Variants in PCDHA9 observed in about 807,000 individuals in gnomAD.
PCDHA9 encodes protocadherin alpha-9.
In PCDHA9, 62 loss-of-function variants were observed where a neutral mutation model predicts 62.0. That is an observed-to-expected ratio of 1.00 (90% confidence interval 0.81 to 1.23). PCDHA9 has a LOEUF of 1.23. Among genes scored for constraint, PCDHA9 ranks in the 50% most tolerant of loss-of-function variants. The probability of loss-of-function intolerance (pLI) is 0.00; values close to 1 mark genes in which losing one functional copy is unlikely to be tolerated. For synonymous variants in PCDHA9, 557 were observed against 567.6 expected (o/e 0.98, Z 0.27); for missense variants, 1,205 against 1,249.8 (o/e 0.96, Z 0.54).
At chr5:140,893,879 G>A (rs747246517) in intron 1 of PCDHA9, among the ~76,000 whole-genome samples, 26 of 152,060 alleles carry the variant, frequency 1.7e-4, no homozygotes, top group Admixed American at 4.6e-4. Flanking sequence ...GATCCAAAGT[G>A]GCCAGAAAGT....
intron 3 of PCDHA9, among the ~76,000 whole-genome samples, chr5:140,995,391 G>A (rs2097681152): frequency 1.3e-5 from 2 of 152,170 alleles, no homozygotes; most frequent in African/African-American, 2.4e-5. Context: ...AGGATAAAGC[G>A]GGATGGCTCG....
chr5:140,857,341 G>T (rs782659858), intron 1 of PCDHA9: 1 of 1,598,438 alleles, frequency 6.3e-7, no homozygotes, highest in South Asian at 1.1e-5. Flanking sequence ...ACGGGGGCTC[G>T]CCTCCGCTGT....
rs558900138 is a variant in PCDHA9, at chr5:140,898,510, C to T, written c.2394+47621C>T. On this transcript the variant is annotated intron_variant, in intron 1 of 3. Coordinates refer to ENST00000532602, the MANE Select transcript of PCDHA9 (RefSeq NM_031857.2). ...AGATCAGATAGTTGTAGATATGCGG[C>T]GTTATTTCTGAGGGCTCTGTTCTGT... Among the ~76,000 whole-genome samples, 9 of 152,196 alleles carry T rather than the reference C, an allele frequency of 5.9e-5. No homozygotes were observed. In the South Asian group the frequency reaches 6.2e-4, roughly 11 times the overall value.
chr5:140,869,687 T>C, intron 1 of PCDHA9: 1 of 1,613,474 alleles, frequency 6.2e-7, no homozygotes, highest in Non-Finnish European at 8.5e-7. Context: ...CTGTCACTTA[T>C]TTTAAAGAAG....
intron 1 of PCDHA9, chr5:140,871,620 T>C: frequency 7.1e-7 from 1 of 1,405,980 alleles, no homozygotes; most frequent in Non-Finnish European, 9.4e-7. Context: ...TTGTTTTAGA[T>C]AACAATGTCT....
In PCDHA9 at chr5:140,849,651, A is replaced by T. The variant is rs2041019666; in HGVS notation, c.1156A>T (p.Thr386Ser). The T allele has an allele frequency of 6.3e-7, 1 of 1,598,758 alleles. No homozygotes were observed. Among genetic ancestry groups the T allele is most frequent in the Non-Finnish European group, 8.6e-7 (1 of 1,168,002 alleles). Residue 386 changes from threonine to serine, a missense_variant, in exon 1 of 4, where the codon ACC becomes TCC. By Grantham distance (58) the Thr-to-Ser change is moderately conservative. This residue lies in a region of PCDHA9 where 887 missense variants were observed against 809.5 expected (regional missense o/e 1.10). Transcript: ENST00000532602. ...AGACGCAGATGCCAACGGGCAGGTT[A>T]CCTGCTCCCTGACGCCCCACGTCCC... is the stretch of plus-strand genomic sequence containing the variant. ...DLDADANGQV[T>S]CSLTPHVPFK... is the part of the protein sequence containing the mutation.
rs141258804 is a variant in PCDHA9, at chr5:140,857,118, C to T, written c.2394+6229C>T. ...GTGATTGTCACTTCTCTGTCTCTCC[C>T]AGTGAAAGAAGATGCTCAAGTGGGC... On this transcript the variant is annotated intron_variant, in intron 1 of 3. Transcript: ENST00000532602. 2.7e-5 allele frequency: 43 copies of T among 1,597,878 alleles called. 6 individuals are homozygous for T. Among genetic ancestry groups the T allele is most frequent in the Non-Finnish European group, 3.3e-5 (38 of 1,167,604 alleles).
At chr5:140,900,290 G>GT (rs1292990700) in intron 1 of PCDHA9, among the ~76,000 whole-genome samples, 2 of 151,548 alleles carry the variant, frequency 1.3e-5, no homozygotes, top group Non-Finnish European at 2.9e-5. Context: ...TTTCTTTTCT[G>GT]TTTTTTTAGA....
At position 140,848,691 on chromosome 5, in the gene PCDHA9, T is replaced by C; in HGVS notation, c.196T>C (p.Leu66=). The C allele has an allele frequency of 6.3e-7, 1 of 1,592,078 alleles. No homozygotes were observed. Among genetic ancestry groups the C allele is most frequent in the South Asian group, 1.1e-5 (1 of 90,088 alleles). The change falls in exon 1 of 4, where the codon TTG becomes CTG. Residue 66 remains leucine, a synonymous_variant. Coordinates refer to ENST00000532602, the MANE Select transcript of PCDHA9 (RefSeq NM_031857.2). ...LAELVPRLFQ[L]DSKGRGDLLE... Reference sequence around the variant, plus strand: ...GGAGCTGGTGCCGCGCCTGTTCCAGTTGGATTCCAAAGGCCGCGGGGACCT... The same window carrying C: ...GGAGCTGGTGCCGCGCCTGTTCCAGCTGGATTCCAAAGGCCGCGGGGACCT...
chr5:140,907,733 A>C (rs2073566986), intron 1 of PCDHA9, among the ~76,000 whole-genome samples: 1 of 152,162 alleles, frequency 6.6e-6, no homozygotes, highest in Non-Finnish European at 1.5e-5. Context: ...CATCCCTGCC[A>C]CCATGGCCAC....
chr5:140,952,378 A>G (rs1282372403), intron 1 of PCDHA9, among the ~76,000 whole-genome samples: 1 of 151,376 alleles, frequency 6.6e-6, no homozygotes, highest in Non-Finnish European at 1.5e-5. Flanking sequence ...TTCCTCTGCC[A>G]GGTACCCTAA....
chr5:140,963,977 C>A (rs1311264244), intron 1 of PCDHA9, among the ~76,000 whole-genome samples: 1 of 152,164 alleles, frequency 6.6e-6, no homozygotes, highest in Non-Finnish European at 1.5e-5. Flanking sequence ...ACTCCAAAGT[C>A]TATATTCCTA....
At chr5:140,967,712 G>A in intron 1 of PCDHA9, 2 of 1,614,196 alleles carry the variant, frequency 1.2e-6, no homozygotes, top group Non-Finnish European at 1.7e-6. Flanking sequence ...CAGTACCGGG[G>A]AAGTGCGAGT....
chr5:140,926,823 G>A (rs1454618329), intron 1 of PCDHA9: 2 of 1,496,880 alleles, frequency 1.3e-6, no homozygotes, highest in Non-Finnish European at 1.8e-6. Flanking sequence ...TGCTCTCCAG[G>A]AGTCCGGAGC....
At chr5:140,884,020 G>A (rs61734917) in intron 1 of PCDHA9, 5 of 1,613,174 alleles carry the variant, frequency 3.1e-6, no homozygotes, top group East Asian at 2.2e-5. Flanking sequence ...TGCCGCGGTC[G>A]GTGGGTGCAG....
At chr5:140,863,741 G>T in intron 1 of PCDHA9, 1 of 249,706 alleles carries the variant, frequency 4.0e-6, no homozygotes, top group East Asian at 1.0e-4. Context: ...ATGCCTATTT[G>T]TAATCCCGGC....
chr5:140,887,323 C>T (rs1209011082), intron 1 of PCDHA9, among the ~76,000 whole-genome samples: 5 of 152,084 alleles, frequency 3.3e-5, no homozygotes, highest in African/African-American at 1.2e-4. Context: ...GTCTCGAACT[C>T]CTGACCTCGT....
At position 140,858,282 on chromosome 5, in the gene PCDHA9, G is replaced by T. The variant is rs782040852; in HGVS notation, c.2394+7393G>T. On this transcript the variant is annotated intron_variant, in intron 1 of 3. Coordinates refer to ENST00000532602, the MANE Select transcript of PCDHA9 (RefSeq NM_031857.2). ...CTGGTGTGCTCTAGCGCGGTGGGGA[G>T]CTGGTCTTACTCGCAGCAGAGGCGG... 2.5e-6 allele frequency: 4 copies of T among 1,597,480 alleles called. No homozygotes were observed. The highest frequency in any genetic ancestry group is 3.4e-6 in the Non-Finnish European group (4 of 1,167,300).
At chr5:140,931,189 C>A (rs2087353658) in intron 1 of PCDHA9, among the ~76,000 whole-genome samples, 1 of 152,112 alleles carries the variant, frequency 6.6e-6, no homozygotes, top group Non-Finnish European at 1.5e-5. Flanking sequence ...GAAATTGGTG[C>A]ACTACAATGC....
Sources: gnomAD v4.1 joint callset for allele counts (sites outside exome capture counted in the v4.1 genomes callset) on GRCh38, gnomAD v4.1.1 for gene constraint, gnomAD v4.1.1 regional missense constraint, MANE v1.5 for transcripts, NCBI Gene and HGNC (gene_info 2026-07-23, HGNC 2026-07-21) for gene names.